B3GLCT: variants seen among roughly 807,000 people sequenced by gnomAD.
The protein encoded by B3GLCT is beta-1,3-glucosyltransferase.
In B3GLCT, 65 loss-of-function variants were observed where a neutral mutation model predicts 63.4. The ratio of observed to expected loss-of-function variants is 1.03; its 90% CI spans 0.84 to 1.26. The LOEUF (loss-of-function observed/expected upper bound fraction) is 1.26. Ranked by LOEUF, B3GLCT falls within the 50% of genes most tolerant of loss-of-function variation. The probability of loss-of-function intolerance (pLI) is 0.00; values close to 1 mark genes in which losing one functional copy is unlikely to be tolerated. For synonymous variants in B3GLCT, 233 were observed against 219.2 expected, an observed-to-expected ratio of 1.06 and a Z score of -0.55; for missense variants, 577 against 604.8, an observed-to-expected ratio of 0.95 and a Z score of 0.48.
In B3GLCT at chr13:31,229,215, G is replaced by A. The variant is rs1261633019; in HGVS notation, c.191G>A (p.Ser64Asn). 1 of 1,612,304 alleles carries A rather than the reference G, an allele frequency of 6.2e-7. No homozygotes were observed. The highest frequency in any genetic ancestry group is 8.5e-7 in the Non-Finnish European group (1 of 1,178,554). Reference protein sequence around the residue: ...DLKGIVFVIQSQSNSFHAKRA... With the variant: ...DLKGIVFVIQNQSNSFHAKRA... Reference sequence around the variant, plus strand: ...AAAGGAATTGTATTCGTCATCCAGAGTCAAAGTAATTCTTTTCATGCAAAG... The same window carrying A: ...AAAGGAATTGTATTCGTCATCCAGAATCAAAGTAATTCTTTTCATGCAAAG... Residue 64 changes from serine to asparagine, a missense_variant, in exon 4 of 15, where the codon AGT becomes AAT. Coordinates refer to ENST00000343307, the MANE Select transcript of B3GLCT (RefSeq NM_194318.4).
chr13:31,229,700 C>T (rs1870278744), intron 4 of B3GLCT, among the ~76,000 whole-genome samples: 1 of 151,094 alleles, frequency 6.6e-6, no homozygotes, highest in Non-Finnish European at 1.5e-5. Flanking sequence ...GAGCCAAGAT[C>T]ACACTACTGC....
chr13:31,207,615 G>C (rs545640915), intron 1 of B3GLCT, among the ~76,000 whole-genome samples: 2 of 151,944 alleles, frequency 1.3e-5, no homozygotes, highest in East Asian at 3.9e-4. Context: ...CTGGCCCATA[G>C]AATATGTTGG....
At chr13:31,323,245 T>C (rs1041071) in intron 13 of B3GLCT, among the ~76,000 whole-genome samples, 140,004 of 152,248 alleles carry the variant, frequency 0.92, 65,272 homozygotes, top group Non-Finnish European at 0.99. Flanking sequence ...ATAGAATGTT[T>C]CCTCCCCCAG....
intron 4 of B3GLCT, among the ~76,000 whole-genome samples, chr13:31,233,977 G>A (rs1358490894): frequency 6.6e-6 from 1 of 151,706 alleles, no homozygotes; most frequent in Non-Finnish European, 1.5e-5. Flanking sequence ...CAGTCCCAGA[G>A]AGGAGAAGGG....
chr13:31,252,883 C>T (rs569335991), intron 6 of B3GLCT, among the ~76,000 whole-genome samples: 8 of 152,312 alleles, frequency 5.3e-5, no homozygotes, highest in Middle Eastern at 3.4e-3. Context: ...CTACAGAACT[C>T]GCCACCCCAA....
At chr13:31,286,698 GT>G (rs760615547) in intron 11 of B3GLCT, 21 bp from the exon 12 acceptor site, 1 of 1,466,140 alleles carries the variant, frequency 6.8e-7, no homozygotes, top group South Asian at 1.1e-5. Context: ...TACATTGTAA[GT>G]TTTTTTCTTG....
chr13:31,235,309 AAAGATTTGGCCAG>A (rs1433382826), intron 4 of B3GLCT, among the ~76,000 whole-genome samples: 1 of 151,920 alleles, frequency 6.6e-6, no homozygotes, highest in Non-Finnish European at 1.5e-5. Flanking sequence ...CGCTCAGGAG[AAAGATTTGGCCAG>A]AAGATGGTAG....
chr13:31,329,623 C>G lies in B3GLCT; in HGVS notation c.1452C>G (p.Asp484Glu). Residue 484 changes from aspartate to glutamate, a missense_variant, in exon 15 of 15, where the codon GAC (aspartate) becomes GAG (glutamate). Physicochemically the swap from Asp to Glu is conservative, Grantham distance 45. Transcript: ENST00000343307. ...YFTWLAPSDE[D>E]KARQETQKGF... ...CATGGTTGGCACCCAGTGACGAAGA[C>G]AAAGCCAGGCAGGAGACACAGAAAG... The G allele has an allele frequency of 6.2e-7, 1 of 1,614,190 alleles. No homozygotes were observed. The highest frequency in any genetic ancestry group is 8.5e-7 in the Non-Finnish European group (1 of 1,180,042).
chr13:31,210,080 C>T lies in B3GLCT; in HGVS notation c.71-4971C>T, dbSNP rs1051310521. ...CCGGGGCTTAGGCTGGCCTATAAAT[C>T]TTAGTCCCAGGTTAGTTGTAAAATC... On this transcript the variant is annotated intron_variant, in intron 1 of 14. Transcript: ENST00000343307. 1.3e-5 allele frequency among the ~76,000 whole-genome samples: 2 copies of T among 152,200 alleles called. 1 individual carries two copies. The highest frequency in any genetic ancestry group is 1.3e-4 in the Admixed American group (2 of 15,288).
At chr13:31,220,742 CA>C (rs909198427) in intron 2 of B3GLCT, among the ~76,000 whole-genome samples, 1 of 152,154 alleles carries the variant, frequency 6.6e-6, no homozygotes, top group Admixed American at 6.5e-5. Flanking sequence ...GCTATTGTGT[CA>C]GTCAACAGAG....
At chr13:31,309,659 G>A (rs1874599299) in intron 12 of B3GLCT, among the ~76,000 whole-genome samples, 1 of 152,142 alleles carries the variant, frequency 6.6e-6, no homozygotes, top group Admixed American at 6.5e-5. Context: ...AGGTATGGGG[G>A]AAGGAGTGTG....
intron 12 of B3GLCT, among the ~76,000 whole-genome samples, chr13:31,316,433 A>ATATATATATATATATATATATATATT (rs1566096065): frequency 8.7e-6 from 1 of 114,456 alleles, no homozygotes; most frequent in Non-Finnish European, 1.8e-5. Flanking sequence ...ATATATATAA[A>ATATATATATATATATATATATATATT]TTTTTTTTTT....
At chr13:31,255,919 G>A (rs1377454375) in intron 6 of B3GLCT, among the ~76,000 whole-genome samples, 2 of 152,162 alleles carry the variant, frequency 1.3e-5, no homozygotes, top group South Asian at 4.1e-4. Context: ...GAAAGCAATG[G>A]CAACAAAAGC....
chr13:31,297,252 A>G (rs2137900152), intron 12 of B3GLCT, among the ~76,000 whole-genome samples: 1 of 152,190 alleles, frequency 6.6e-6, no homozygotes, highest in East Asian at 1.9e-4. Context: ...TCATATGGTA[A>G]TTCTATTTAT....
In B3GLCT at chr13:31,323,867, C is replaced by T; in HGVS notation, c.1301C>T (p.Pro434Leu). ...LGMCFSGLGIPVTHSPLFHQA... is the reference protein window; with the variant it reads ...LGMCFSGLGILVTHSPLFHQA... Reference sequence around the variant, plus strand: ...ATGTGCTTTAGTGGCTTGGGAATCCCTGTGACACACAGCCCTCTCTTCCAT... The same window carrying T: ...ATGTGCTTTAGTGGCTTGGGAATCCTTGTGACACACAGCCCTCTCTTCCAT... The change falls in exon 14 of 15, where the codon CCT becomes CTT. Residue 434 changes from proline to leucine, a missense_variant. Pro to Leu is a moderately conservative substitution (Grantham distance 98). Transcript: ENST00000343307. 6.2e-7 allele frequency: 1 copy of T among 1,614,204 alleles called. No individual in the cohort carries two copies.
intron 14 of B3GLCT, 103 bp downstream of exon 14, chr13:31,323,998 A>G (rs2137947853): frequency 7.0e-7 from 1 of 1,421,312 alleles, no homozygotes; most frequent in South Asian, 1.2e-5. Context: ...GAAACAGACT[A>G]AGAACTGTGT....
chr13:31,283,604 T>TAA (rs1555252633), intron 10 of B3GLCT, among the ~76,000 whole-genome samples: 94 of 150,690 alleles, frequency 6.2e-4, no homozygotes, highest in African/African-American at 1.7e-3. Flanking sequence ...TCAGTTTTTT[T>TAA]AAAAAAAAAG....
At chr13:31,239,681 A>G in intron 4 of B3GLCT, among the ~76,000 whole-genome samples, 1 of 144,348 alleles carries the variant, frequency 6.9e-6, no homozygotes. Flanking sequence ...CTGTCACCTG[A>G]GTCTTTTTTT....
chr13:31,292,073 A>G (rs769252999), intron 12 of B3GLCT, among the ~76,000 whole-genome samples: 1 of 152,124 alleles, frequency 6.6e-6, no homozygotes, highest in Non-Finnish European at 1.5e-5. Context: ...TGAGATAATC[A>G]TGTGGTTTTT....
Sources: allele counts gnomAD v4.1 joint callset (sites outside exome capture counted in the v4.1 genomes callset), GRCh38; gene constraint gnomAD v4.1.1; transcripts MANE v1.5; gene names NCBI Gene and HGNC (gene_info 2026-07-23, HGNC 2026-07-21).